Variants in FBXL7 observed in about 807,000 individuals in gnomAD.
FBXL7 encodes the protein F-box/LRR-repeat protein 7.
Under a neutral mutation model 38.3 loss-of-function variants are expected in FBXL7, and 12 were observed. The ratio of observed to expected loss-of-function variants is 0.31; its 90% CI spans 0.20 to 0.51. The LOEUF is 0.51. Ranked by LOEUF, FBXL7 falls within the 20% of genes least tolerant of loss-of-function variation. The pLI, the probability that FBXL7 is intolerant of heterozygous loss-of-function variation, is 0.98. For missense variants in FBXL7, 567 were observed against 676.4 expected, an observed-to-expected ratio of 0.84 and a Z score of 1.79; for synonymous variants, 297 against 300.9, an observed-to-expected ratio of 0.99 and a Z score of 0.13.
At chr5:15,683,122 T>A (rs991609336) in intron 2 of FBXL7, among the ~76,000 whole-genome samples, 35 of 152,336 alleles carry the variant, frequency 2.3e-4, no homozygotes, top group Admixed American at 2.0e-3. Flanking sequence ...CCATTTCAAA[T>A]GCAGAATTAA....
At chr5:15,786,166 C>T (rs538440254) in intron 2 of FBXL7, among the ~76,000 whole-genome samples, 3 of 152,256 alleles carry the variant, frequency 2.0e-5, no homozygotes, top group South Asian at 2.1e-4. Context: ...CCAGGATAGG[C>T]GTTTCTACCG....
intron 1 of FBXL7, among the ~76,000 whole-genome samples, chr5:15,577,988 G>A (rs1739024291): frequency 6.6e-6 from 1 of 152,160 alleles, no homozygotes; most frequent in Admixed American, 6.5e-5. Context: ...TGTGGGCTTT[G>A]TTCTTTGGAT....
rs1237587619 is a variant in FBXL7, at chr5:15,503,254, CTA to C, written c.37+2542_37+2543del. Among the ~76,000 whole-genome samples, 3 of 152,260 alleles carry C rather than the reference CTA, an allele frequency of 2.0e-5. No individual in the cohort carries two copies. The East Asian group carries it at 5.8e-4, about 29-fold the overall frequency. On this transcript the variant is annotated intron_variant, in intron 1 of 3. Coordinates refer to ENST00000504595, the MANE Select transcript of FBXL7 (RefSeq NM_012304.5). ...TGGCCAACATGGTGAAACCCTGTCT[CTA>C]CTAAAAATACAAAAAGTATCCAGGC...
chr5:15,912,214 A>G (rs1741448788), intron 2 of FBXL7, among the ~76,000 whole-genome samples: 1 of 62,928 alleles, frequency 1.6e-5, no homozygotes, highest in Non-Finnish European at 2.9e-5. Flanking sequence ...CAGGTGTGGG[A>G]TATAGTCTCG....
intron 2 of FBXL7, among the ~76,000 whole-genome samples, chr5:15,821,102 G>A (rs1418129077): frequency 6.6e-6 from 1 of 152,110 alleles, no homozygotes; most frequent in Non-Finnish European, 1.5e-5. Context: ...CGGACACATG[G>A]TAGGTCCCCA....
At chr5:15,738,537 A>T (rs1057286054) in intron 2 of FBXL7, among the ~76,000 whole-genome samples, 1 of 152,074 alleles carries the variant, frequency 6.6e-6, no homozygotes, top group African/African-American at 2.4e-5. Context: ...ATGCCTCAGG[A>T]TGTTTATTTA....
chr5:15,672,771 C>G (rs998043493), intron 2 of FBXL7, among the ~76,000 whole-genome samples: 16 of 151,858 alleles, frequency 1.1e-4, no homozygotes, highest in African/African-American at 3.9e-4. Flanking sequence ...CCAGGCTGGT[C>G]TCTTAACTCC....
At chr5:15,744,265 T>C (rs750687578) in intron 2 of FBXL7, among the ~76,000 whole-genome samples, 1 of 152,208 alleles carries the variant, frequency 6.6e-6, no homozygotes, top group Non-Finnish European at 1.5e-5. Flanking sequence ...CTTGAACACG[T>C]TGCCACTTAG....
chr5:15,722,228 A>G (rs1744216798), intron 2 of FBXL7, among the ~76,000 whole-genome samples: 1 of 152,220 alleles, frequency 6.6e-6, no homozygotes, highest in Admixed American at 6.5e-5. Flanking sequence ...CCAGTTTTTT[A>G]CTATTATAAA....
chr5:15,635,621 C>T (rs1741155656), intron 2 of FBXL7, among the ~76,000 whole-genome samples: 1 of 152,104 alleles, frequency 6.6e-6, no homozygotes, highest in African/African-American at 2.4e-5. Context: ...AGCCCTAGAG[C>T]TGGAGGGAGC....
intron 2 of FBXL7, among the ~76,000 whole-genome samples, chr5:15,725,874 A>T (rs190765272): frequency 1.0e-3 from 156 of 152,114 alleles, no homozygotes; most frequent in Non-Finnish European, 1.7e-3. Flanking sequence ...TTCTGTGTTT[A>T]TTAAATCTAC....
At chr5:15,827,052 T>A (rs756086356) in intron 2 of FBXL7, among the ~76,000 whole-genome samples, 49 of 152,212 alleles carry the variant, frequency 3.2e-4, no homozygotes, top group African/African-American at 1.2e-3. Flanking sequence ...TCCTGCCCCA[T>A]GAACACTTTT....
intron 2 of FBXL7, among the ~76,000 whole-genome samples, chr5:15,918,418 C>CA (rs1025989745): frequency 7.9e-5 from 12 of 152,184 alleles, no homozygotes; most frequent in Non-Finnish European, 1.5e-5. Context: ...TCTAGATACT[C>CA]ACACTGGAGG....
At position 15,702,927 on chromosome 5, in the gene FBXL7, G is replaced by T. The variant is rs577461137; in HGVS notation, c.127+86855G>T. ...AGTCAAAGGGGGGTTGTTCTCTGGC[G>T]GGCAGGAGTGGGGGTCACAAGGTGC... On this transcript the variant is annotated intron_variant, in intron 2 of 3. Transcript: ENST00000504595. Among the ~76,000 whole-genome samples, 4 of 152,232 alleles carry T rather than the reference G, an allele frequency of 2.6e-5. No homozygotes were observed. The South Asian group carries it at 8.3e-4, about 32-fold the overall frequency.
At chr5:15,671,202 A>G (rs547514034) in intron 2 of FBXL7, among the ~76,000 whole-genome samples, 2 of 152,200 alleles carry the variant, frequency 1.3e-5, no homozygotes, top group South Asian at 2.1e-4. Context: ...TCTGTACTCT[A>G]TATTTTGTCT....
intron 1 of FBXL7, among the ~76,000 whole-genome samples, chr5:15,544,619 A>C (rs1462242850): frequency 6.6e-6 from 1 of 152,110 alleles, no homozygotes; most frequent in Non-Finnish European, 1.5e-5. Flanking sequence ...AAGAAGGAAA[A>C]ATATATTAAC....
chr5:15,586,184 G>A (rs7706439), intron 1 of FBXL7, among the ~76,000 whole-genome samples: 31,035 of 151,802 alleles, frequency 0.2, 3,235 homozygotes, highest in Non-Finnish European at 0.23. Flanking sequence ...TTGAGGTTTG[G>A]GAGCCAGCGT....
intron 1 of FBXL7, among the ~76,000 whole-genome samples, chr5:15,610,712 T>C (rs185732087): frequency 6.6e-6 from 1 of 152,322 alleles, no homozygotes; most frequent in Admixed American, 6.5e-5. Context: ...TTGTTGGTTA[T>C]TTCCTAGGTG....
At chr5:15,640,830 A>G (rs1741343279) in intron 2 of FBXL7, among the ~76,000 whole-genome samples, 1 of 152,166 alleles carries the variant, frequency 6.6e-6, no homozygotes, top group Non-Finnish European at 1.5e-5. Context: ...GGCCGGGGTG[A>G]GGGCTTTAAC....
Sources: gnomAD v4.1 joint callset for allele counts (sites outside exome capture counted in the v4.1 genomes callset) on GRCh38, gnomAD v4.1.1 for gene constraint, MANE v1.5 for transcripts, NCBI Gene and HGNC (gene_info 2026-07-23, HGNC 2026-07-21) for gene names.